TLN2: variants seen among roughly 807,000 people sequenced by gnomAD.
TLN2 encodes the protein talin 2, also known as talin-2.
A neutral mutation model predicts 294.7 loss-of-function variants in TLN2; 118 were observed. The ratio of observed to expected loss-of-function variants is 0.40; its 90% CI spans 0.34 to 0.47. TLN2 has a LOEUF of 0.47. Among genes scored for constraint, TLN2 ranks in the 20% least tolerant of loss-of-function variants. TLN2 has a pLI of 0.84. For synonymous variants in TLN2, 1,431 were observed against 1,304.5 expected, an observed-to-expected ratio of 1.10 and a Z score of -2.09; for missense variants, 3,083 against 3,282.2, an observed-to-expected ratio of 0.94 and a Z score of 1.48.
chr15:62,816,902 C>T (rs1437111093), intron 52 of TLN2, among the ~76,000 whole-genome samples: 1 of 152,142 alleles, frequency 6.6e-6, no homozygotes, highest in Non-Finnish European at 1.5e-5. Flanking sequence ...GTGACAAATG[C>T]CACCATCTAA....
rs111926267 is a variant in TLN2, at chr15:62,772,613, G to A, written c.5367+1479G>A. ...CACATGTCCCCACTCCTACCTGATG[G>A]TTTCAGTACTAAGAGAATAATTCAA... On this transcript the variant is annotated intron_variant, in intron 42 of 58. Transcript: ENST00000636159. Among the ~76,000 whole-genome samples, 1,432 of 151,934 alleles carry A rather than the reference G, an allele frequency of 9.4e-3. 24 individuals carry two copies. Among genetic ancestry groups the A allele is most frequent in the African/African-American group, 0.032 (1,329 of 41,404 alleles).
intron 3 of TLN2, among the ~76,000 whole-genome samples, chr15:62,625,601 A>G (rs930394861): frequency 6.6e-6 from 1 of 152,160 alleles, no homozygotes; most frequent in Non-Finnish European, 1.5e-5. Flanking sequence ...CAGTTAGGCT[A>G]CTGCACGCAG....
At chr15:62,808,860 A>G (rs894818396) in intron 51 of TLN2, among the ~76,000 whole-genome samples, 1 of 152,208 alleles carries the variant, frequency 6.6e-6, no homozygotes, top group Admixed American at 6.5e-5. Context: ...GGCCATGAGA[A>G]TTAGCCCCAC....
chr15:62,783,060 A>G (rs2064320451), intron 44 of TLN2, among the ~76,000 whole-genome samples: 1 of 152,244 alleles, frequency 6.6e-6, no homozygotes, highest in African/African-American at 2.4e-5. Flanking sequence ...AGTCAATGAA[A>G]CAGAGAAAAA....
At chr15:62,755,398 C>T (rs2062182445) in intron 36 of TLN2, 134 bp from the exon 37 acceptor site, 7 of 1,099,912 alleles carry the variant, frequency 6.4e-6, no homozygotes, top group Non-Finnish European at 6.3e-6. Context: ...CTTTGAGGGT[C>T]GCAGAACTAG....
intron 1 of TLN2, among the ~76,000 whole-genome samples, chr15:62,442,121 G>A (rs2035575979): frequency 6.6e-6 from 1 of 152,082 alleles, no homozygotes; most frequent in Non-Finnish European, 1.5e-5. Context: ...CACAACCTGA[G>A]GCTTGTAGGG....
intron 24 of TLN2, among the ~76,000 whole-genome samples, chr15:62,718,781 C>A (rs1244357082): frequency 1.3e-5 from 2 of 152,192 alleles, no homozygotes; most frequent in Non-Finnish European, 2.9e-5. Context: ...GTGCTGCTCA[C>A]ATGCAGGGAC....
chr15:62,775,668 T>C (rs917548077), intron 42 of TLN2, among the ~76,000 whole-genome samples: 1 of 152,246 alleles, frequency 6.6e-6, no homozygotes, highest in Non-Finnish European at 1.5e-5. Context: ...AGTTCTCGTT[T>C]ACTGCTTTCC....
At chr15:62,647,963 C>A (rs187584111) in intron 4 of TLN2, among the ~76,000 whole-genome samples, 135 of 152,268 alleles carry the variant, frequency 8.9e-4, no homozygotes, top group African/African-American at 3.2e-3. Context: ...CCCCGTTAAT[C>A]TGAGTTTAAA....
chr15:62,604,012 G>A (rs953900632), intron 2 of TLN2, among the ~76,000 whole-genome samples: 2 of 152,198 alleles, frequency 1.3e-5, no homozygotes, highest in African/African-American at 4.8e-5. Flanking sequence ...AATGGGTGTG[G>A]CTGTGTTCCA....
intron 52 of TLN2, among the ~76,000 whole-genome samples, chr15:62,815,057 A>G (rs1056977575): frequency 2.6e-5 from 4 of 152,216 alleles, no homozygotes; most frequent in African/African-American, 9.6e-5. Flanking sequence ...AGAAGACATC[A>G]GAATTTTGTT....
rs1468909322 is a variant in TLN2 at position 62,842,369 on chromosome 15, C to G, written c.*1759C>G. The G allele has an allele frequency of 6.6e-6, 1 of 152,230 alleles. No individual in the cohort carries two copies. Among genetic ancestry groups the G allele is most frequent in the Non-Finnish European group, 1.5e-5 (1 of 68,098 alleles). The allele number at this position is 152,230 out of a possible 1,614,324, so 9.4% of individuals were successfully genotyped here. A position where few individuals can be genotyped will look rare whatever the true frequency, so the allele number is the denominator to read the frequency against. ...AAAGCTGGCACACTCTTGGCTCGCC[C>G]TCTTTGAGTGGAGCTGATCCAACAC... On this transcript the variant is annotated 3_prime_UTR_variant, in exon 59 of 59. Transcript: ENST00000636159.
chr15:62,498,462 A>G (rs920264786), intron 1 of TLN2, among the ~76,000 whole-genome samples: 2 of 152,182 alleles, frequency 1.3e-5, no homozygotes, highest in African/African-American at 4.8e-5. Flanking sequence ...GTTTGTTGGA[A>G]TTATGCATAT....
chr15:62,685,022 T>C (rs1271319066), intron 11 of TLN2, among the ~76,000 whole-genome samples: 1 of 151,496 alleles, frequency 6.6e-6, no homozygotes, highest in African/African-American at 2.4e-5. Context: ...TTTCAGCAAA[T>C]ATGAGTTGAA....
intron 1 of TLN2, among the ~76,000 whole-genome samples, chr15:62,432,742 C>G (rs1293723271): frequency 1.3e-5 from 2 of 152,160 alleles, no homozygotes; most frequent in Non-Finnish European, 2.9e-5. Flanking sequence ...AGTTGTTTTG[C>G]TCCTTCGAGT....
intron 21 of TLN2, 62 bp downstream of exon 21, chr15:62,708,858 A>C (rs2141121325): frequency 6.6e-7 from 1 of 1,523,876 alleles, no homozygotes; most frequent in Non-Finnish European, 8.8e-7. Flanking sequence ...TGGTGGTGCT[A>C]ACCCATAGGG....
chr15:62,820,269 C>T (rs1416573524), intron 53 of TLN2, among the ~76,000 whole-genome samples: 2 of 151,928 alleles, frequency 1.3e-5, no homozygotes, highest in Non-Finnish European at 2.9e-5. Flanking sequence ...TGTGGAAGGG[C>T]CATACATGCA....
intron 12 of TLN2, among the ~76,000 whole-genome samples, chr15:62,688,329 A>G (rs1466165599): frequency 8.6e-5 from 13 of 151,940 alleles, no homozygotes. Flanking sequence ...TCTTTCTACT[A>G]TTGATTTTTT....
intron 7 of TLN2, 147 bp from the exon 8 acceptor site, chr15:62,655,797 C>T: frequency 4.1e-6 from 4 of 972,896 alleles, no homozygotes; most frequent in Non-Finnish European, 5.9e-6. Flanking sequence ...GCTTAAAAAC[C>T]ATAGTTCTAA....
Sources: gnomAD v4.1 joint callset for allele counts (sites outside exome capture counted in the v4.1 genomes callset) on GRCh38, gnomAD v4.1.1 for gene constraint, MANE v1.5 for transcripts, NCBI Gene and HGNC (gene_info 2026-07-23, HGNC 2026-07-21) for gene names.